Variants in ADAM33 observed in about 807,000 individuals in gnomAD.
ADAM33 encodes disintegrin and metalloproteinase domain-containing protein 33.
In ADAM33, 103 loss-of-function variants were observed where a neutral mutation model predicts 106.2. The ratio of observed to expected loss-of-function variants is 0.97; its 90% CI spans 0.83 to 1.14. ADAM33 has a LOEUF of 1.14. ADAM33 is among the 50% of genes most tolerant of loss of function. The pLI is 0.00. For missense variants in ADAM33, 1,120 were observed against 1,096.6 expected, an observed-to-expected ratio of 1.02 and a Z score of -0.30; for synonymous variants, 483 against 453.0, an observed-to-expected ratio of 1.07 and a Z score of -0.84.
At chr20:3,679,861 C>G (rs561092305) in intron 1 of ADAM33, among the ~76,000 whole-genome samples, 1 of 152,072 alleles carries the variant, frequency 6.6e-6, no homozygotes, top group Admixed American at 6.5e-5. Context: ...TTGGGCTCGG[C>G]GATCACAAGG....
At chr20:3,673,937 G>T in intron 8 of ADAM33, 26 bp from the exon 9 acceptor site, 1 of 1,570,900 alleles carries the variant, frequency 6.4e-7, no homozygotes, top group Non-Finnish European at 8.6e-7. Flanking sequence ...GGCTGAAGCC[G>T]GGACAGGGCG....
At chr20:3,669,476 G>A (rs1319212795) in intron 20 of ADAM33, 70 bp downstream of exon 20, 10 of 1,542,390 alleles carry the variant, frequency 6.5e-6, no homozygotes, top group Middle Eastern at 1.8e-4. Context: ...TGCCCATCTG[G>A]AAGGAGGCAG....
chr20:3,673,851 C>A lies in ADAM33; in HGVS notation c.799G>T (p.Asp267Tyr), dbSNP rs1164964186. ...GCGTCCTGCGTGACGCGGCTGCGGT[C>A]CCGCTCGGTCCACACCTCCAGGCCG... is the stretch of plus-strand genomic sequence containing the variant. ...LTGLEVWTERDRSRVTQDANA... is the reference protein window; with the variant it reads ...LTGLEVWTERYRSRVTQDANA... Residue 267 changes from aspartate (D) to tyrosine (Y), a missense_variant, in exon 9 of 22, where the codon GAC (aspartate) becomes TAC (tyrosine). Coordinates refer to ENST00000356518, the MANE Select transcript of ADAM33 (RefSeq NM_025220.5). 1.3e-6 allele frequency: 2 copies of A among 1,567,368 alleles called. No homozygotes were observed. Among genetic ancestry groups the A allele is most frequent in the African/African-American group, 2.7e-5 (2 of 74,240 alleles).
At position 3,669,650 on chromosome 20, in the gene ADAM33, A is replaced by G. The variant is rs1600196333; in HGVS notation, c.2241-13T>C. ...GCCATCTTTGGGGCTGAGCAACGTG[A>G]TAAGAGTCCAGGAGGTTGGCACAGT... On this transcript the variant is annotated splice_polypyrimidine_tract_variant and intron_variant, in intron 19 of 21. Transcript: ENST00000356518. 2 of 1,594,508 alleles carry G rather than the reference A, an allele frequency of 1.3e-6. No homozygotes were observed. The highest frequency in any genetic ancestry group is 1.7e-6 in the Non-Finnish European group (2 of 1,171,408).
At chr20:3,670,867 C>T in intron 19 of ADAM33, 139 bp downstream of exon 19, 1 of 1,292,048 alleles carries the variant, frequency 7.7e-7, no homozygotes, top group Non-Finnish European at 1.0e-6. Flanking sequence ...TTCAAAGCTA[C>T]TTCTTTCCAT....
chr20:3,679,293 G>A lies in ADAM33; in HGVS notation c.177+199C>T, dbSNP rs146696287. ...GAAAGCTGAAATGACTTCCATGTGT[G>A]CGGGCTCACGAGATCCAGATGTCCA... On this transcript the variant is annotated intron_variant, in intron 2 of 21. Coordinates refer to ENST00000356518, the MANE Select transcript of ADAM33 (RefSeq NM_025220.5). Among the ~76,000 whole-genome samples the A allele has an allele frequency of 2.0e-5, 3 of 152,058 alleles. No homozygotes were observed. In the East Asian group the frequency reaches 5.8e-4, roughly 29 times the overall value.
At chr20:3,674,167 G>A (rs2087775211) in intron 7 of ADAM33, 32 bp from the exon 8 acceptor site, 2 of 1,614,170 alleles carry the variant, frequency 1.2e-6, no homozygotes, top group South Asian at 1.1e-5. Flanking sequence ...TGGCTTGAGG[G>A]GCTGAGCTGG....
In ADAM33 at chr20:3,671,094, C is replaced by A. The variant is rs548377810; in HGVS notation, c.2152G>T (p.Ala718Ser). ...LSVLLPLLPG[A>S]GLAWCCYRLP... is the part of the protein sequence containing the mutation. ...CGGTAGCAACACCAGGCCAGGCCGG[C>A]CCCTGGGAGCAGAGGCAGCAGGACG... Residue 718 changes from alanine (A) to serine (S), a missense_variant, in exon 19 of 22, where the codon GCC becomes TCC. By Grantham distance (99) the Ala-to-Ser change is moderately conservative (BLOSUM62 1). Transcript: ENST00000356518. The A allele has an allele frequency of 4.4e-6, 7 of 1,593,122 alleles. No homozygotes were observed. In the East Asian group the frequency reaches 1.6e-4, roughly 36 times the overall value.
chr20:3,672,615 G>C lies in ADAM33; in HGVS notation c.1323C>G (p.Asp441Glu), dbSNP rs41382144. 58 of 1,613,506 alleles carry C rather than the reference G, an allele frequency of 3.6e-5. No homozygotes were observed. In the African/African-American group the frequency reaches 5.9e-4, roughly 16 times the overall value. The part of the protein sequence containing the change: ...CDCGPGQECR[D>E]LCCFAHNCSL... ...AGCAGTTGTGAGCAAAGCAGCAGAG[G>C]TCGCGGCACTCCTGGGACCAGAAAG... is the stretch of plus-strand genomic sequence containing the variant. Residue 441 changes from aspartate to glutamate, a missense_variant, in exon 13 of 22, where the codon GAC (aspartate) becomes GAG (glutamate). Transcript: ENST00000356518.
In ADAM33 at chr20:3,681,989, G is replaced by C. The variant is rs1434561326; in HGVS notation, c.16C>G (p.Arg6Gly). The change falls in exon 1 of 22, where the codon CGG becomes GGG. Residue 6 changes from arginine (R) to glycine (G), a missense_variant. Physicochemically the swap from Arg to Gly is moderately radical, Grantham distance 125. Coordinates refer to ENST00000356518, the MANE Select transcript of ADAM33 (RefSeq NM_025220.5). MGWRP[R>G]RARGTPLLLL... is the part of the protein sequence containing the mutation. ...AGCAACGGGGTCCCCCGAGCTCTCC[G>C]GGGCCTCCAGCCCATAGCTGTGAGC... is the stretch of plus-strand genomic sequence containing the variant. The C allele has an allele frequency of 7.8e-6, 12 of 1,535,428 alleles. No individual in the cohort carries two copies. The highest frequency in any genetic ancestry group is 1.2e-5 in the South Asian group (1 of 82,636).
rs1401972744 is a variant in ADAM33, at chr20:3,668,564, T to C, written c.*399A>G. The C allele has an allele frequency of 3.9e-6, 1 of 259,166 alleles. No homozygotes were observed. The highest frequency in any genetic ancestry group is 7.5e-6 in the Non-Finnish European group (1 of 132,798). The allele number at this position is 259,166 out of a possible 1,614,324, so 16.1% of individuals were successfully genotyped here. A position where few individuals can be genotyped will look rare whatever the true frequency, so the allele number is the denominator to read the frequency against. ...CCATAGGGCCCCAGGACCACTAGCT[T>C]CTGGCCAGCAGTCATGCCCTCCACA... On this transcript the variant is annotated 3_prime_UTR_variant, in exon 22 of 22. Coordinates refer to ENST00000356518, the MANE Select transcript of ADAM33 (RefSeq NM_025220.5).
At chr20:3,680,114 T>C (rs2088353663) in intron 1 of ADAM33, among the ~76,000 whole-genome samples, 1 of 152,096 alleles carries the variant, frequency 6.6e-6, no homozygotes, top group Non-Finnish European at 1.5e-5. Flanking sequence ...AGGCCCCTCC[T>C]CATCTCTTCA....
intron 3 of ADAM33, among the ~76,000 whole-genome samples, chr20:3,676,748 C>T (rs1013795234): frequency 6.6e-6 from 1 of 152,190 alleles, no homozygotes; most frequent in East Asian, 1.9e-4. Flanking sequence ...GGGGTGCCGG[C>T]TCATCTTTTC....
At chr20:3,681,735 G>A (rs949670572) in intron 1 of ADAM33, among the ~76,000 whole-genome samples, 173 bp downstream of exon 1, 4 of 152,128 alleles carry the variant, frequency 2.6e-5, no homozygotes, top group African/African-American at 4.8e-5. Context: ...GCGTCCCTGG[G>A]CAGGTCCCAC....
intron 19 of ADAM33, 197 bp from the exon 20 acceptor site, chr20:3,669,834 G>A (rs1016699644): frequency 2.9e-6 from 2 of 683,356 alleles, no homozygotes; most frequent in East Asian, 2.7e-5. Flanking sequence ...CTCCAAGTGA[G>A]CCTCATGCCC....
At position 3,668,555 on chromosome 20, in the gene ADAM33, C is replaced by T; in HGVS notation, c.*408G>A. 1 of 246,782 alleles carries T rather than the reference C, an allele frequency of 4.1e-6. No homozygotes were observed. Among genetic ancestry groups the T allele is most frequent in the Non-Finnish European group, 8.0e-6 (1 of 125,734 alleles). 15.3% of individuals were successfully genotyped at this position (246,782 alleles called of 1,614,324 possible). A position where few individuals can be genotyped will look rare whatever the true frequency, so the allele number is the denominator to read the frequency against. ...TCAGTCGAACCATAGGGCCCCAGGACCACTAGCTTCTGGCCAGCAGTCATG... is the reference window on the plus strand; with the variant it reads ...TCAGTCGAACCATAGGGCCCCAGGATCACTAGCTTCTGGCCAGCAGTCATG... On this transcript the variant is annotated 3_prime_UTR_variant, in exon 22 of 22. Transcript: ENST00000356518.
chr20:3,671,296 G>T lies in ADAM33; in HGVS notation c.2033C>A (p.Pro678His), dbSNP rs773091023. 1 of 1,613,768 alleles carries T rather than the reference G, an allele frequency of 6.2e-7. No individual in the cohort carries two copies. Among genetic ancestry groups the T allele is most frequent in the South Asian group, 1.1e-5 (1 of 91,090 alleles). Residue 678 changes from proline (P) to histidine (H), a missense_variant, in exon 18 of 22, where the codon CCC (proline) becomes CAC (histidine). By Grantham distance (77) the Pro-to-His change is moderately conservative. Coordinates refer to ENST00000356518, the MANE Select transcript of ADAM33 (RefSeq NM_025220.5). ...NCHCAPGWAP[P>H]FCDKPGFGGS... ...ACCAAAGCCTGGCTTGTCACAGAAG[G>T]GTGGAGCCCAGCCTGGAGCACAGTG...
intron 10 of ADAM33, 28 bp from the exon 11 acceptor site, chr20:3,673,524 G>GCGGC (rs1343267053): frequency 2.1e-6 from 3 of 1,462,398 alleles, no homozygotes; most frequent in Middle Eastern, 1.9e-4. Context: ...GGCGGTCACT[G>GCGGC]CGGCCGTAGA....
Position 3,669,540 on chromosome 20 carries a change from A to G in ADAM33, c.2332+6T>C. 4 of 1,579,004 alleles carry G rather than the reference A, an allele frequency of 2.5e-6. No individual in the cohort carries two copies. Among genetic ancestry groups the G allele is most frequent in the Non-Finnish European group, 3.4e-6 (4 of 1,161,898 alleles). Reference sequence around the variant, plus strand: ...CCTCTCCACCTCCCCCTGGTGCCTCACTCACCCAGGGGCCAGGGCTGTCCA... The same window carrying G: ...CCTCTCCACCTCCCCCTGGTGCCTCGCTCACCCAGGGGCCAGGGCTGTCCA... On this transcript the variant is annotated splice_donor_region_variant and intron_variant, in intron 20 of 21. Coordinates refer to ENST00000356518, the MANE Select transcript of ADAM33 (RefSeq NM_025220.5).
Sources: gnomAD v4.1 joint callset for allele counts (sites outside exome capture counted in the v4.1 genomes callset) on GRCh38, gnomAD v4.1.1 for gene constraint, MANE v1.5 for transcripts, NCBI Gene and HGNC (gene_info 2026-07-23, HGNC 2026-07-21) for gene names.